AMBRA1: variants seen among roughly 807,000 people sequenced by gnomAD.
AMBRA1 encodes autophagy and beclin 1 regulator 1.
AMBRA1 carries 47 observed loss-of-function variants against 125.4 expected under a neutral mutation model. That is an observed-to-expected ratio of 0.37 (90% confidence interval 0.30 to 0.48). AMBRA1 has a LOEUF of 0.48. Ranked by LOEUF, AMBRA1 falls within the 20% of genes least tolerant of loss-of-function variation. The pLI is 0.99. For synonymous variants in AMBRA1, 626 were observed against 655.5 expected (o/e 0.95, Z 0.69); for missense variants, 1,331 against 1,693.4 (o/e 0.79, Z 3.76).
intron 17 of AMBRA1, among the ~76,000 whole-genome samples, chr11:46,402,042 G>C (rs1038350075): frequency 2.9e-4 from 44 of 152,164 alleles, no homozygotes; most frequent in African/African-American, 1.0e-3. Context: ...ACTGTGCCAT[G>C]CTCTCGTCCC....
intron 1 of AMBRA1, among the ~76,000 whole-genome samples, chr11:46,588,991 T>C (rs894197935): frequency 1.3e-5 from 2 of 152,170 alleles, no homozygotes; most frequent in Non-Finnish European, 2.9e-5. Context: ...AAAGGACTCT[T>C]ATAAGTAATA....
chr11:46,490,803 A>C (rs1283304880), intron 11 of AMBRA1, among the ~76,000 whole-genome samples: 3 of 152,134 alleles, frequency 2.0e-5, no homozygotes, highest in Non-Finnish European at 4.4e-5. Flanking sequence ...TGTCTTATTC[A>C]CTCTGGTAAC....
intron 12 of AMBRA1, among the ~76,000 whole-genome samples, chr11:46,437,404 C>T (rs891937829): frequency 4.6e-5 from 7 of 152,264 alleles, no homozygotes; most frequent in African/African-American, 1.7e-4. Flanking sequence ...AAAGGACAAA[C>T]GAAAAGAGAA....
At chr11:46,553,880 T>C (rs1394852099) in intron 1 of AMBRA1, among the ~76,000 whole-genome samples, 2 of 152,176 alleles carry the variant, frequency 1.3e-5, no homozygotes, top group Admixed American at 6.5e-5. Context: ...CACTTATTAG[T>C]GCATAAATAT....
chr11:46,441,636 T>C (rs1189841334), intron 12 of AMBRA1, among the ~76,000 whole-genome samples: 2 of 152,146 alleles, frequency 1.3e-5, no homozygotes, highest in African/African-American at 4.8e-5. Context: ...GCTGAAACCA[T>C]AGGGTAAGCT....
chr11:46,569,440 A>ATATATATAT (rs1555012051), intron 1 of AMBRA1, among the ~76,000 whole-genome samples: 3 of 131,386 alleles, frequency 2.3e-5, no homozygotes, highest in African/African-American at 5.9e-5. Context: ...AAAAAAAAAA[A>ATATATATAT]ATATATATAT....
intron 11 of AMBRA1, among the ~76,000 whole-genome samples, chr11:46,482,046 G>A (rs949973105): frequency 6.6e-6 from 1 of 152,196 alleles, no homozygotes; most frequent in Non-Finnish European, 1.5e-5. Flanking sequence ...TCGAAGTCAG[G>A]TAATGTGATG....
intron 9 of AMBRA1, among the ~76,000 whole-genome samples, chr11:46,500,967 T>C (rs1432973453): frequency 6.6e-6 from 1 of 152,230 alleles, no homozygotes; most frequent in Non-Finnish European, 1.5e-5. Flanking sequence ...CCCTCTTGCC[T>C]ATGGGATAAA....
At chr11:46,450,822 C>A (rs1948552569) in intron 11 of AMBRA1, among the ~76,000 whole-genome samples, 1 of 152,160 alleles carries the variant, frequency 6.6e-6, no homozygotes, top group Non-Finnish European at 1.5e-5. Flanking sequence ...TTTGCCAAAA[C>A]CAGTGAAATT....
intron 12 of AMBRA1, among the ~76,000 whole-genome samples, chr11:46,442,391 A>T (rs1948063772): frequency 6.6e-6 from 1 of 151,556 alleles, no homozygotes; most frequent in Non-Finnish European, 1.5e-5. Context: ...GATCCTCCCA[A>T]CTCAGCCTCC....
chr11:46,402,384 C>T (rs1047969473), intron 17 of AMBRA1, among the ~76,000 whole-genome samples: 2 of 152,188 alleles, frequency 1.3e-5, no homozygotes, highest in South Asian at 2.1e-4. Context: ...TTTTTTGAGA[C>T]GGAGTCTTGC....
At chr11:46,489,311 A>G (rs1182668146) in intron 11 of AMBRA1, among the ~76,000 whole-genome samples, 6 of 151,854 alleles carry the variant, frequency 4.0e-5, no homozygotes, top group Non-Finnish European at 5.9e-5. Context: ...TGCCTGGCTA[A>G]TTTTTTGTAT....
intron 11 of AMBRA1, among the ~76,000 whole-genome samples, chr11:46,476,021 A>G (rs1195015102): frequency 1.3e-5 from 2 of 152,192 alleles, no homozygotes; most frequent in African/African-American, 2.4e-5. Flanking sequence ...ACTCTTCCAT[A>G]TAGGGGAGAC....
chr11:46,398,818 A>C (rs1239210438), intron 17 of AMBRA1, among the ~76,000 whole-genome samples: 1 of 146,726 alleles, frequency 6.8e-6, no homozygotes, highest in African/African-American at 2.5e-5. Flanking sequence ...CTGTCACCCA[A>C]GCTGGAGTGC....
chr11:46,535,278 T>C (rs1173266358), intron 7 of AMBRA1, among the ~76,000 whole-genome samples: 1 of 152,144 alleles, frequency 6.6e-6, no homozygotes, highest in Non-Finnish European at 1.5e-5. Context: ...CACCAGTTTT[T>C]TTCAGGGGGA....
intron 1 of AMBRA1, among the ~76,000 whole-genome samples, chr11:46,588,775 CA>C (rs201030293): frequency 0.28 from 27,463 of 97,878 alleles, 3,008 homozygotes; most frequent in African/African-American, 0.41. Context: ...AACTCCATCT[CA>C]AAAAAAAAAA....
intron 17 of AMBRA1, among the ~76,000 whole-genome samples, chr11:46,408,040 A>T (rs1447718676): frequency 1.3e-5 from 2 of 152,170 alleles, no homozygotes; most frequent in Non-Finnish European, 2.9e-5. Flanking sequence ...GAAGGGGCTG[A>T]TGATAGGCCA....
intron 15 of AMBRA1, among the ~76,000 whole-genome samples, chr11:46,417,057 CTT>C (rs796893271): frequency 4.2e-5 from 6 of 143,656 alleles, no homozygotes; most frequent in Admixed American, 6.9e-5. Context: ...TTGAGCTTTT[CTT>C]TTTTTTTTTT....
At chr11:46,459,733 TACACATACACACAC>T (rs1196817049) in intron 11 of AMBRA1, among the ~76,000 whole-genome samples, 3 of 115,476 alleles carry the variant, frequency 2.6e-5, no homozygotes, top group Non-Finnish European at 5.3e-5. Context: ...AAAAAAAAAA[TACACATACACACAC>T]ACACACACAC....
Sources: allele counts gnomAD v4.1 joint callset (sites outside exome capture counted in the v4.1 genomes callset), GRCh38; gene constraint gnomAD v4.1.1; transcripts MANE v1.5; gene names NCBI Gene and HGNC (gene_info 2026-07-23, HGNC 2026-07-21).